KCNV2: variants seen among roughly 807,000 people sequenced by gnomAD.
KCNV2 encodes potassium voltage-gated channel subfamily V member 2.
Under a neutral mutation model 37.0 loss-of-function variants are expected in KCNV2, and 65 were observed. The observed-to-expected ratio is 1.76, with a 90% CI of 1.44 to 2.16. KCNV2 has a LOEUF of 2.16. Ranked by LOEUF, KCNV2 falls within the 30% of genes most tolerant of loss-of-function variation. KCNV2 has a pLI of 0.00. For synonymous variants in KCNV2, 518 were observed against 328.6 expected, an observed-to-expected ratio of 1.58 and a Z score of -6.23; for missense variants, 1,232 against 766.7, an observed-to-expected ratio of 1.61 and a Z score of -7.17.
In KCNV2 at chr9:2,722,327, G is replaced by A. The variant is rs572190411; in HGVS notation, c.1356+3232G>A. 4.9e-4 allele frequency among the ~76,000 whole-genome samples: 67 copies of A among 137,422 alleles called. 1 individual carries two copies. Among genetic ancestry groups the A allele is most frequent in the Non-Finnish European group, 8.2e-4 (54 of 65,628 alleles). The allele number at this position is 137,422 out of a possible 152,430, so 90.2% of individuals were successfully genotyped here. The stretch of plus-strand genomic sequence containing the variant: ...TTAGAAGTTATTTATAAATAAATTA[G>A]AAGTTATTTATAAATAAATTAGAAG... On this transcript the variant is annotated intron_variant, in intron 1 of 1. Transcript: ENST00000382082.
At chr9:2,723,948 G>C (rs1255457055) in intron 1 of KCNV2, among the ~76,000 whole-genome samples, 1 of 150,284 alleles carries the variant, frequency 6.7e-6, no homozygotes, top group East Asian at 1.9e-4. Context: ...GTGTGGGTAT[G>C]GTTTTTTTCT....
In KCNV2 at chr9:2,729,492, A is replaced by G; in HGVS notation, c.1403A>G (p.His468Arg). Residue 468 changes from histidine to arginine, a missense_variant, in exon 2 of 2, where the codon CAC (histidine) becomes CGC (arginine). His to Arg is a conservative substitution (Grantham distance 29). Transcript: ENST00000382082. Reference protein sequence around the residue: ...VGYGDMYPETHLGRFFAFLCI... With the variant: ...VGYGDMYPETRLGRFFAFLCI... ...TACGGAGACATGTACCCAGAGACCC[A>G]CCTGGGCAGGTTTTTTGCCTTCCTC... 7 of 1,614,014 alleles carry G rather than the reference A, an allele frequency of 4.3e-6. No homozygotes were observed. The highest frequency in any genetic ancestry group is 5.9e-6 in the Non-Finnish European group (7 of 1,179,984).
chr9:2,718,266 T>G lies in KCNV2; in HGVS notation c.527T>G (p.Leu176Arg). The G allele has an allele frequency of 6.2e-7, 1 of 1,612,656 alleles. No individual in the cohort carries two copies. The highest frequency in any genetic ancestry group is 1.3e-5 in the African/African-American group (1 of 75,056). The change falls in exon 1 of 2, where the codon CTG becomes CGG. Residue 176 changes from leucine (L) to arginine (R), a missense_variant. Coordinates refer to ENST00000382082, the MANE Select transcript of KCNV2 (RefSeq NM_133497.4). ...GGGGTGCTGCTGGTGCTCGACGGGCTGTGTCCGCGCCGCTTCCTGGAGGAG... is the reference window on the plus strand; with the variant it reads ...GGGGTGCTGCTGGTGCTCGACGGGCGGTGTCCGCGCCGCTTCCTGGAGGAG... Reference protein sequence around the residue: ...LSGVLLVLDGLCPRRFLEELG... With the variant: ...LSGVLLVLDGRCPRRFLEELG...
rs1819793183 is a variant in KCNV2, at chr9:2,718,607, G to C, written c.868G>C (p.Gly290Arg). 1.2e-6 allele frequency: 2 copies of C among 1,612,986 alleles called. No homozygotes were observed. Among genetic ancestry groups the C allele is most frequent in the Admixed American group, 1.7e-5 (1 of 59,990 alleles). ...NTVEEMQQHSGQGEGGPDLRP... is the reference protein window; with the variant it reads ...NTVEEMQQHSRQGEGGPDLRP... ...CGTGGAGGAGATGCAGCAGCACTCG[G>C]GGCAGGGCGAGGGCGGCCCAGACCT... The change falls in exon 1 of 2, where the codon GGG (glycine) becomes CGG (arginine). Residue 290 changes from glycine to arginine, a missense_variant. By Grantham distance (125) the Gly-to-Arg change is moderately radical. Coordinates refer to ENST00000382082, the MANE Select transcript of KCNV2 (RefSeq NM_133497.4).
intron 1 of KCNV2, among the ~76,000 whole-genome samples, chr9:2,727,557 G>T (rs1170651282): frequency 6.6e-6 from 1 of 152,172 alleles, no homozygotes. Context: ...TGGAGCCAGA[G>T]GGCAGAGTCA....
rs750918937 is a variant in KCNV2 at position 2,718,278 on chromosome 9, G to A, written c.539G>A (p.Arg180His). The A allele has an allele frequency of 1.1e-5, 17 of 1,611,488 alleles. No individual in the cohort carries two copies. In the African/African-American group the frequency reaches 1.5e-4, roughly 14 times the overall value. Reference protein sequence around the residue: ...LLVLDGLCPRRFLEELGYWGV... With the variant: ...LLVLDGLCPRHFLEELGYWGV... ...GTGCTCGACGGGCTGTGTCCGCGCC[G>A]CTTCCTGGAGGAGCTGGGCTACTGG... Residue 180 changes from arginine (R) to histidine (H), a missense_variant, in exon 1 of 2, where the codon CGC becomes CAC. By Grantham distance (29) the Arg-to-His change is conservative. Coordinates refer to ENST00000382082, the MANE Select transcript of KCNV2 (RefSeq NM_133497.4).
intron 1 of KCNV2, among the ~76,000 whole-genome samples, chr9:2,722,024 A>AATAAATTAGAAGTTATTTATTT (rs1475874787): frequency 6.8e-6 from 1 of 147,418 alleles, no homozygotes; most frequent in Non-Finnish European, 1.5e-5. Context: ...TTTATTTATA[A>AATAAATTAGAAGTTATTTATTT]ATAAATTAGA....
At chr9:2,726,753 C>T (rs571592801) in intron 1 of KCNV2, among the ~76,000 whole-genome samples, 1 of 152,238 alleles carries the variant, frequency 6.6e-6, no homozygotes, top group East Asian at 1.9e-4. Flanking sequence ...AGGAACCCGG[C>T]CACACAGCAG....
rs745790275 is a variant in KCNV2 at position 2,718,357 on chromosome 9, G to A, written c.618G>A (p.Arg206=). Reference sequence around the variant, plus strand: ...GCTGCCGCATCTGCTTCGAGGAGCGGCGCGACGAGCTGAGCGAACGGCTCA... The same window carrying A: ...GCTGCCGCATCTGCTTCGAGGAGCGACGCGACGAGCTGAGCGAACGGCTCA... ...PRCCRICFEE[R]RDELSERLKI... The change falls in exon 1 of 2, where the codon CGG becomes CGA. Residue 206 remains arginine (R), a synonymous_variant. Transcript: ENST00000382082. The A allele has an allele frequency of 6.3e-6, 10 of 1,598,466 alleles. No homozygotes were observed. Among genetic ancestry groups the A allele is most frequent in the Non-Finnish European group, 8.5e-6 (10 of 1,174,466 alleles).
Position 2,718,441 on chromosome 9 carries a change from C to T in KCNV2, c.702C>T (p.Arg234=), listed in dbSNP as rs1173841076. 1.2e-6 allele frequency: 2 copies of T among 1,606,794 alleles called. No individual in the cohort carries two copies. The highest frequency in any genetic ancestry group is 1.7e-5 in the Admixed American group (1 of 59,120). Residue 234 remains arginine (R), a synonymous_variant, in exon 1 of 2, where the codon CGC becomes CGT. Coordinates refer to ENST00000382082, the MANE Select transcript of KCNV2 (RefSeq NM_133497.4). ...TCGAGGAGGCGGAGGAACTCTTCCG[C>T]GACATGCGCTTCTACGGCCCGCAGC... ...AQVEEAEELF[R]DMRFYGPQRR...
intron 1 of KCNV2, 38 bp downstream of exon 1, chr9:2,719,133 C>T (rs750338987): frequency 1.3e-6 from 2 of 1,599,764 alleles, no homozygotes; most frequent in African/African-American, 1.3e-5. Context: ...ATCCTCTTCC[C>T]CAGCCCAGTG....
In KCNV2 at chr9:2,729,473, G is replaced by C; in HGVS notation, c.1384G>C (p.Asp462His). The change falls in exon 2 of 2, where the codon GAC becomes CAC. Residue 462 changes from aspartate (D) to histidine (H), a missense_variant. Coordinates refer to ENST00000382082, the MANE Select transcript of KCNV2 (RefSeq NM_133497.4). ...GAGCATCTCCACCGTGGGCTACGGAGACATGTACCCAGAGACCCACCTGGG... is the reference window on the plus strand; with the variant it reads ...GAGCATCTCCACCGTGGGCTACGGACACATGTACCCAGAGACCCACCTGGG... ...AVSISTVGYGDMYPETHLGRF... is the reference protein window; with the variant it reads ...AVSISTVGYGHMYPETHLGRF... The C allele has an allele frequency of 1.2e-6, 2 of 1,613,934 alleles. No individual in the cohort carries two copies. Among genetic ancestry groups the C allele is most frequent in the South Asian group, 2.2e-5 (2 of 91,066 alleles).
intron 1 of KCNV2, chr9:2,720,410 G>C (rs901972040): frequency 1.3e-5 from 2 of 152,196 alleles, no homozygotes; most frequent in Non-Finnish European, 2.9e-5. Context: ...CTTGAAAGCA[G>C]GGAGCTCATA....
intron 1 of KCNV2, among the ~76,000 whole-genome samples, chr9:2,719,374 GTCA>G (rs1563796534): frequency 6.6e-6 from 1 of 152,060 alleles, no homozygotes; most frequent in African/African-American, 2.4e-5. Context: ...AAGAAGATGC[GTCA>G]TCATTACTGT....
chr9:2,720,228 C>T (rs1025856075), intron 1 of KCNV2, among the ~76,000 whole-genome samples: 12 of 152,216 alleles, frequency 7.9e-5, no homozygotes, highest in Admixed American at 5.9e-4. Flanking sequence ...TGCAATGCAG[C>T]ATAATAGAAG....
rs367634793 is a variant in KCNV2 at position 2,729,469 on chromosome 9, C to A, written c.1380C>A (p.Tyr460Ter). Residue 460 changes from tyrosine (Y) to a stop codon, truncating the protein, a stop_gained, in exon 2 of 2, where the codon TAC becomes TAA. Coordinates refer to ENST00000382082, the MANE Select transcript of KCNV2 (RefSeq NM_133497.4). LOFTEE classifies it high-confidence loss of function. ...WAAVSISTVG[Y>*]GDMYPETHLG... ...AGGTGAGCATCTCCACCGTGGGCTACGGAGACATGTACCCAGAGACCCACC... is the reference window on the plus strand; with the variant it reads ...AGGTGAGCATCTCCACCGTGGGCTAAGGAGACATGTACCCAGAGACCCACC... The A allele has an allele frequency of 6.2e-7, 1 of 1,613,918 alleles. No homozygotes were observed. The highest frequency in any genetic ancestry group is 8.5e-7 in the Non-Finnish European group (1 of 1,179,984).
At chr9:2,727,706 T>A (rs1819991302) in intron 1 of KCNV2, among the ~76,000 whole-genome samples, 1 of 152,160 alleles carries the variant, frequency 6.6e-6, no homozygotes, top group South Asian at 2.1e-4. Context: ...ACCCTGGGAT[T>A]GCATACATGA....
In KCNV2 at chr9:2,718,112, C is replaced by T; in HGVS notation, c.373C>T (p.Arg125Cys). 1 of 1,600,272 alleles carries T rather than the reference C, an allele frequency of 6.2e-7. No individual in the cohort carries two copies. The highest frequency in any genetic ancestry group is 8.5e-7 in the Non-Finnish European group (1 of 1,173,772). Residue 125 changes from arginine to cysteine, a missense_variant, in exon 1 of 2, where the codon CGC (arginine) becomes TGC (cysteine). Arg to Cys is a radical substitution (Grantham distance 180). Transcript: ENST00000382082. ...CGGCTTCCCCAAGACGCGCCTAGGT[C>T]GCCTGGCCACCTCCACCAGCCGCAG... ...LAGFPKTRLG[R>C]LATSTSRSRQ... is the part of the protein sequence containing the mutation.
At chr9:2,728,156 C>G (rs965298169) in intron 1 of KCNV2, among the ~76,000 whole-genome samples, 1 of 152,138 alleles carries the variant, frequency 6.6e-6, no homozygotes, top group African/African-American at 2.4e-5. Context: ...CTGCACTATT[C>G]CAGGTTCAAA....
Sources: gnomAD v4.1 joint callset for allele counts (sites outside exome capture counted in the v4.1 genomes callset) on GRCh38, gnomAD v4.1.1 for gene constraint, MANE v1.5 for transcripts, NCBI Gene and HGNC (gene_info 2026-07-23, HGNC 2026-07-21) for gene names.